Variants in PSMD12 observed in about 807,000 individuals in gnomAD.
The protein encoded by PSMD12 is 26S proteasome non-ATPase regulatory subunit 12.
PSMD12 carries 8 observed loss-of-function variants against 62.9 expected under a neutral mutation model. The observed-to-expected ratio is 0.13, with a 90% CI of 0.07 to 0.23. The LOEUF (loss-of-function observed/expected upper bound fraction) is 0.23, where lower values mean the gene tolerates loss of function less well. PSMD12 is among the 10% of genes least tolerant of loss of function. The pLI is 1.00. For missense variants in PSMD12, 424 were observed against 550.2 expected, an observed-to-expected ratio of 0.77 and a Z score of 2.29; for synonymous variants, 173 against 187.4, an observed-to-expected ratio of 0.92 and a Z score of 0.63.
intron 3 of PSMD12, among the ~76,000 whole-genome samples, chr17:67,356,324 C>T (rs1015660422): frequency 6.6e-6 from 1 of 151,126 alleles, no homozygotes. Context: ...TTTGGGAGGC[C>T]GAGGCGGGCG....
chr17:67,346,497 G>A (rs947274049), intron 7 of PSMD12, among the ~76,000 whole-genome samples: 7 of 152,072 alleles, frequency 4.6e-5, no homozygotes, highest in Admixed American at 2.0e-4. Flanking sequence ...TCCGGGAGGC[G>A]GAGGTTGCAG....
chr17:67,362,413 G>A (rs563394515), intron 1 of PSMD12, among the ~76,000 whole-genome samples: 5 of 152,210 alleles, frequency 3.3e-5, no homozygotes, highest in Admixed American at 6.5e-5. Context: ...GGTGGCTCAC[G>A]CCTGTAATCC....
In PSMD12 at chr17:67,357,583, A is replaced by G. The variant is rs763045258; in HGVS notation, c.109-5T>C. 2.6e-5 allele frequency: 42 copies of G among 1,610,878 alleles called. No individual in the cohort carries two copies. Among genetic ancestry groups the G allele is most frequent in the Non-Finnish European group, 3.2e-5 (38 of 1,177,358 alleles). ...GACTTCTTGAAGTCTTCCTTCCTAA[A>G]ACAAAAGATGAAAATGAACAATAAA... On this transcript the variant is annotated splice_region_variant and splice_polypyrimidine_tract_variant and intron_variant, in intron 1 of 10. Transcript: ENST00000356126.
intron 1 of PSMD12, chr17:67,361,078 A>G (rs1230070677): frequency 6.6e-6 from 1 of 152,158 alleles, no homozygotes; most frequent in Non-Finnish European, 1.5e-5. Context: ...ATGGTTAGAA[A>G]GCTATCCAAA....
At chr17:67,355,049 A>T (rs997183283) in intron 3 of PSMD12, among the ~76,000 whole-genome samples, 9 of 151,926 alleles carry the variant, frequency 5.9e-5, no homozygotes, top group African/African-American at 2.2e-4. Context: ...CAATTAAATT[A>T]AATCTATACT....
chr17:67,355,137 G>A (rs1402569165), intron 3 of PSMD12, among the ~76,000 whole-genome samples: 1 of 141,564 alleles, frequency 7.1e-6, no homozygotes, highest in African/African-American at 2.7e-5. Flanking sequence ...CTGTTGCCCA[G>A]GCTGCAAAGC....
At chr17:67,365,850 C>T (rs1026638386) in intron 1 of PSMD12, among the ~76,000 whole-genome samples, 1 of 152,184 alleles carries the variant, frequency 6.6e-6, no homozygotes, top group East Asian at 1.9e-4. Flanking sequence ...TCTCGGTGTT[C>T]CAGTAACACT....
intron 3 of PSMD12, among the ~76,000 whole-genome samples, chr17:67,356,551 C>G (rs1328341543): frequency 3.8e-4 from 17 of 44,772 alleles, no homozygotes; most frequent in Admixed American, 2.8e-4. Context: ...GAGCGAGACT[C>G]CGTCTCAAAA....
At chr17:67,350,497 A>G (rs557983109) in intron 3 of PSMD12, among the ~76,000 whole-genome samples, 161 bp from the exon 4 acceptor site, 1 of 152,348 alleles carries the variant, frequency 6.6e-6, no homozygotes, top group South Asian at 2.1e-4. Flanking sequence ...CTGATACCTA[A>G]AAAGTACCGA....
intron 3 of PSMD12, among the ~76,000 whole-genome samples, chr17:67,354,842 T>C (rs1220851692): frequency 1.3e-5 from 2 of 151,884 alleles, no homozygotes; most frequent in Admixed American, 1.3e-4. Flanking sequence ...ATACAAAAAT[T>C]AGCTGGGTGT....
chr17:67,362,467 G>A (rs2042140271), intron 1 of PSMD12, among the ~76,000 whole-genome samples: 1 of 152,132 alleles, frequency 6.6e-6, no homozygotes, highest in Non-Finnish European at 1.5e-5. Context: ...AACATCAAGA[G>A]TTTGAGACCA....
chr17:67,357,343 T>C lies in PSMD12; in HGVS notation c.257A>G (p.Asn86Ser). 1 of 1,613,854 alleles carries C rather than the reference T, an allele frequency of 6.2e-7. No individual in the cohort carries two copies. The highest frequency in any genetic ancestry group is 8.5e-7 in the Non-Finnish European group (1 of 1,179,930). The part of the protein sequence containing the change: ...EAKEWDLLNE[N>S]IMLLSKRRSQ... Reference sequence around the variant, plus strand: ...CCGCCTTTTGGACAAAAGCATAATATTTTCATTAAGTAAATCCCATTCTTT... The same window carrying C: ...CCGCCTTTTGGACAAAAGCATAATACTTTCATTAAGTAAATCCCATTCTTT... The change falls in exon 3 of 11, where the codon AAT becomes AGT. Residue 86 changes from asparagine to serine, a missense_variant. Physicochemically the swap from Asn to Ser is conservative, Grantham distance 46. Coordinates refer to ENST00000356126, the MANE Select transcript of PSMD12 (RefSeq NM_002816.5).
rs112189658 is a variant in PSMD12, at chr17:67,358,504, G to A, written c.109-926C>T. Among the ~76,000 whole-genome samples the A allele has an allele frequency of 2.2e-3, 305 of 139,502 alleles. 1 individual carries two copies. Among genetic ancestry groups the A allele is most frequent in the African/African-American group, 7.8e-3 (295 of 37,832 alleles). 91.5% of individuals were successfully genotyped at this position (139,502 alleles called of 152,430 possible). ...GCTGGCTTGAGCCATGGAGGTGAAGGCTGCAGTAAGCCAAGATCGCACCAC... is the reference window on the plus strand; with the variant it reads ...GCTGGCTTGAGCCATGGAGGTGAAGACTGCAGTAAGCCAAGATCGCACCAC... On this transcript the variant is annotated intron_variant, in intron 1 of 10. Transcript: ENST00000356126.
At position 67,357,284 on chromosome 17, in the gene PSMD12, G is replaced by C. The variant is rs764415962; in HGVS notation, c.297+19C>G. On this transcript the variant is annotated intron_variant, in intron 3 of 10. Coordinates refer to ENST00000356126, the MANE Select transcript of PSMD12 (RefSeq NM_002816.5). ...TACAAATGCTTTTGTGTTTGGAGCA[G>C]ACATGATCATGAACTCACTTGTTTT... 2 of 1,605,576 alleles carry C rather than the reference G, an allele frequency of 1.2e-6. No individual in the cohort carries two copies. Among genetic ancestry groups the C allele is most frequent in the African/African-American group, 2.7e-5 (2 of 74,522 alleles).
intron 3 of PSMD12, among the ~76,000 whole-genome samples, chr17:67,351,136 A>C (rs1290677913): frequency 6.6e-6 from 1 of 152,100 alleles, no homozygotes; most frequent in Non-Finnish European, 1.5e-5. Flanking sequence ...TCACACCTGT[A>C]ATCCCAGCAC....
chr17:67,343,188 T>C (rs905030664), intron 9 of PSMD12, among the ~76,000 whole-genome samples: 25 of 152,052 alleles, frequency 1.6e-4, no homozygotes, highest in African/African-American at 4.8e-4. Flanking sequence ...TCTTCTCCCA[T>C]CTCTATCAGG....
At position 67,344,606 on chromosome 17, in the gene PSMD12, A is replaced by G. The variant is rs773341528; in HGVS notation, c.1083T>C (p.His361=). The G allele has an allele frequency of 9.4e-6, 15 of 1,597,982 alleles. No homozygotes were observed. In the Admixed American group the frequency reaches 2.4e-4, roughly 26 times the overall value. The part of the protein sequence containing the change: ...WKDLKNRVVE[H]NIRIMAKYYT... ...TGTCATCTCTATGACAGATTCTTAC[A>G]TGTTCAACAACTCTGTTCTTCAAGT... The change falls in exon 9 of 11, where the codon CAT becomes CAC. Residue 361 remains histidine (H), a splice_region_variant and synonymous_variant. Transcript: ENST00000356126.
chr17:67,348,783 A>G (rs2041992086), intron 4 of PSMD12, 129 bp from the exon 5 acceptor site: 1 of 705,712 alleles, frequency 1.4e-6, no homozygotes, highest in Non-Finnish European at 2.3e-6. Context: ...GGATCGCTTG[A>G]GTCCAGGAGT....
chr17:67,353,080 AGGGGGAC>A (rs1378023701), intron 3 of PSMD12, among the ~76,000 whole-genome samples: 5 of 152,140 alleles, frequency 3.3e-5, no homozygotes, highest in African/African-American at 1.2e-4. Context: ...TTATGGACAA[AGGGGGAC>A]TACTGTACAT....
Sources: gnomAD v4.1 joint callset for allele counts (sites outside exome capture counted in the v4.1 genomes callset) on GRCh38, gnomAD v4.1.1 for gene constraint, MANE v1.5 for transcripts, NCBI Gene and HGNC (gene_info 2026-07-23, HGNC 2026-07-21) for gene names.